Variants in SLC44A5 observed in about 807,000 individuals in gnomAD.
The protein encoded by SLC44A5 is choline transporter-like protein 5.
A neutral mutation model predicts 101.8 loss-of-function variants in SLC44A5; 57 were observed. The ratio of observed to expected loss-of-function variants is 0.56; its 90% CI spans 0.45 to 0.70. The LOEUF is 0.70. Among genes scored for constraint, SLC44A5 ranks in the 30% least tolerant of loss-of-function variants. SLC44A5 has a pLI of 0.00. For missense variants in SLC44A5, 737 were observed against 853.1 expected, an observed-to-expected ratio of 0.86 and a Z score of 1.70; for synonymous variants, 281 against 290.9, an observed-to-expected ratio of 0.97 and a Z score of 0.35.
At chr1:75,672,116 C>G in the SLC44A5 span, among the ~76,000 whole-genome samples, 5 of 152,088 alleles carry the variant, frequency 3.3e-5, no homozygotes, top group East Asian at 1.9e-4. Context: ...CTTTTTGTTT[C>G]TTTGTTTGTT....
At chr1:75,566,723 C>A (rs1672803489) in intron 1 of SLC44A5, among the ~76,000 whole-genome samples, 1 of 152,152 alleles carries the variant, frequency 6.6e-6, no homozygotes, top group Non-Finnish European at 1.5e-5. Flanking sequence ...CTGGCTACAG[C>A]CAATGAAAGA....
At chr1:75,565,798 C>T (rs1361080943) in intron 1 of SLC44A5, among the ~76,000 whole-genome samples, 1 of 152,134 alleles carries the variant, frequency 6.6e-6, no homozygotes, top group African/African-American at 2.4e-5. Flanking sequence ...ACAATTTATG[C>T]AAAGTGTCTG....
chr1:75,291,098 T>G (rs947663271), intron 5 of SLC44A5, among the ~76,000 whole-genome samples: 2 of 151,910 alleles, frequency 1.3e-5, no homozygotes, highest in African/African-American at 2.4e-5. Flanking sequence ...CACCTGTGGG[T>G]TTTTTTTGTT....
chr1:75,388,185 C>G, intron 3 of SLC44A5, among the ~76,000 whole-genome samples: 1 of 123,598 alleles, frequency 8.1e-6, no homozygotes, highest in Non-Finnish European at 1.7e-5. Flanking sequence ...ACAATGTGCA[C>G]ATGTACCCTA....
chr1:75,415,132 T>C (rs1663552593), intron 2 of SLC44A5, among the ~76,000 whole-genome samples: 1 of 152,136 alleles, frequency 6.6e-6, no homozygotes, highest in South Asian at 2.1e-4. Flanking sequence ...CAAATGATAT[T>C]TGACGGGTAA....
At chr1:75,654,740 A>G in the SLC44A5 span, among the ~76,000 whole-genome samples, 1 of 152,196 alleles carries the variant, frequency 6.6e-6, no homozygotes, top group Non-Finnish European at 1.5e-5. Context: ...ATACATGGGC[A>G]AAAATAAAGA....
intron 1 of SLC44A5, among the ~76,000 whole-genome samples, chr1:75,553,624 TA>T (rs1672060044): frequency 6.6e-6 from 1 of 152,172 alleles, no homozygotes; most frequent in African/African-American, 2.4e-5. Context: ...GGTATGTCAA[TA>T]AAAGATTCCA....
chr1:75,349,253 T>C (rs1428353781), intron 3 of SLC44A5, among the ~76,000 whole-genome samples: 1 of 152,238 alleles, frequency 6.6e-6, no homozygotes, highest in East Asian at 1.9e-4. Flanking sequence ...GCAGGAGGAT[T>C]GCTTGAGCCC....
At chr1:75,421,693 A>G (rs1210503028) in intron 2 of SLC44A5, among the ~76,000 whole-genome samples, 5 of 152,160 alleles carry the variant, frequency 3.3e-5, no homozygotes, top group Non-Finnish European at 4.4e-5. Context: ...TTCGTTTTAT[A>G]TATGTCACTA....
chr1:75,228,662 A>AT (rs1164214560), intron 12 of SLC44A5, among the ~76,000 whole-genome samples: 4 of 151,294 alleles, frequency 2.6e-5, no homozygotes. Context: ...AAAATTGATG[A>AT]TTTTTTGTTT....
At chr1:75,282,103 G>A (rs190489471) in intron 5 of SLC44A5, among the ~76,000 whole-genome samples, 1 of 152,208 alleles carries the variant, frequency 6.6e-6, no homozygotes, top group Non-Finnish European at 1.5e-5. Context: ...TGGAAAGGGG[G>A]CTGTACTCTG....
intron 2 of SLC44A5, among the ~76,000 whole-genome samples, chr1:75,435,621 C>T (rs1308871412): frequency 1.3e-5 from 2 of 152,264 alleles, no homozygotes; most frequent in East Asian, 3.9e-4. Context: ...ACCTACTTCA[C>T]TCCTCTAGGT....
At chr1:75,461,250 T>A (rs1216074150) in intron 2 of SLC44A5, among the ~76,000 whole-genome samples, 3 of 152,230 alleles carry the variant, frequency 2.0e-5, no homozygotes, top group Non-Finnish European at 4.4e-5. Flanking sequence ...ACATTACTAC[T>A]ATACATCAGG....
At chr1:75,294,877 G>A (rs1163134625) in intron 5 of SLC44A5, among the ~76,000 whole-genome samples, 4 of 152,098 alleles carry the variant, frequency 2.6e-5, no homozygotes, top group Non-Finnish European at 2.9e-5. Context: ...GGATCTGGGG[G>A]TGTGGGAGAA....
At chr1:75,297,591 A>C (rs1654062850) in intron 5 of SLC44A5, among the ~76,000 whole-genome samples, 3 of 152,362 alleles carry the variant, frequency 2.0e-5, no homozygotes, top group African/African-American at 4.8e-5. Context: ...ACACCTGGCC[A>C]TAAAAATTTA....
At chr1:75,693,427 CAA>C in the SLC44A5 span, among the ~76,000 whole-genome samples, 2 of 152,140 alleles carry the variant, frequency 1.3e-5, no homozygotes, top group East Asian at 1.9e-4. Flanking sequence ...CCTAGTTTTT[CAA>C]AGAGTTATCT....
At chr1:75,693,683 C>G in the SLC44A5 span, among the ~76,000 whole-genome samples, 1 of 152,000 alleles carries the variant, frequency 6.6e-6, no homozygotes, top group Non-Finnish European at 1.5e-5. Flanking sequence ...CCAATGTTTA[C>G]AGGTTCAGGA....
intron 6 of SLC44A5, among the ~76,000 whole-genome samples, chr1:75,262,219 T>C (rs139344715): frequency 1.3e-5 from 2 of 152,192 alleles, no homozygotes; most frequent in Non-Finnish European, 2.9e-5. Flanking sequence ...GATGACATGA[T>C]TGTATATTTA....
the SLC44A5 span, among the ~76,000 whole-genome samples, chr1:75,637,682 A>ATTATTTTT: frequency 2.6e-5 from 4 of 152,080 alleles, no homozygotes; most frequent in Admixed American, 6.6e-5. Context: ...TTACATTAAG[A>ATTATTTTT]AATTAAGCAG....
Sources: allele counts gnomAD v4.1 joint callset (sites outside exome capture counted in the v4.1 genomes callset), GRCh38; gene constraint gnomAD v4.1.1; transcripts MANE v1.5; gene names NCBI Gene and HGNC (gene_info 2026-07-23, HGNC 2026-07-21).